ABCG1: variants seen among roughly 807,000 people sequenced by gnomAD.
ABCG1 encodes ATP binding cassette subfamily G member 1.
In ABCG1, 29 loss-of-function variants were observed where a neutral mutation model predicts 69.2. The observed-to-expected ratio is 0.42, with a 90% CI of 0.31 to 0.57. The LOEUF (loss-of-function observed/expected upper bound fraction) is 0.57. Among genes scored for constraint, ABCG1 ranks in the 20% least tolerant of loss-of-function variants. The probability of loss-of-function intolerance (pLI) is 0.15; values close to 1 mark genes in which losing one functional copy is unlikely to be tolerated. For synonymous variants in ABCG1, 370 were observed against 374.8 expected, an observed-to-expected ratio of 0.99 and a Z score of 0.15; for missense variants, 718 against 898.1, an observed-to-expected ratio of 0.80 and a Z score of 2.56.
In ABCG1 at chr21:42,219,825, T is replaced by C; in HGVS notation, c.42+521T>C. On this transcript the variant is annotated intron_variant, in intron 1 of 14. Transcript: ENST00000398449. This position sits in a 1 kb window ranked among gnomAD's most constrained non-coding sequence, Gnocchi z 5.3. ...AAGCTGCCCCCAGAGAGCCGGAGCC[T>C]GCGACTGCACTCCCGGGGACACCCT... The C allele has an allele frequency of 2.1e-6, 3 of 1,461,600 alleles. No individual in the cohort carries two copies. The highest frequency in any genetic ancestry group is 2.7e-6 in the Non-Finnish European group (3 of 1,109,770). 90.5% of individuals were successfully genotyped at this position (1,461,600 alleles called of 1,614,324 possible).
chr21:42,268,264 G>A lies in ABCG1; in HGVS notation c.287-2806G>A, dbSNP rs935601096. Among the ~76,000 whole-genome samples, 68 of 152,200 alleles carry A rather than the reference G, an allele frequency of 4.5e-4. 1 individual carries two copies. Among genetic ancestry groups the A allele is most frequent in the East Asian group, 9.6e-4 (5 of 5,194 alleles). On this transcript the variant is annotated intron_variant, in intron 2 of 14. Coordinates refer to ENST00000398449, the MANE Select transcript of ABCG1 (RefSeq NM_016818.3). ...TCAGGGGTGGGAAAGTAGGGCAGGC[G>A]GGGTGGGATGGTCGCATCTTCGCTT...
chr21:42,266,664 A>C (rs1364977322), intron 2 of ABCG1, among the ~76,000 whole-genome samples: 1 of 152,186 alleles, frequency 6.6e-6, no homozygotes. Context: ...AGCCCCGGGC[A>C]CTGCTAGTTG....
intron 2 of ABCG1, chr21:42,256,724 G>A (rs192649475): frequency 2.9e-6 from 4 of 1,401,942 alleles, no homozygotes; most frequent in Middle Eastern, 2.6e-4. Flanking sequence ...AGCATTGCAG[G>A]AATAGGCTCT....
chr21:42,294,854 C>G, intron 14 of ABCG1, 194 bp downstream of exon 14: 1 of 576,782 alleles, frequency 1.7e-6, no homozygotes, highest in Non-Finnish European at 3.1e-6. Flanking sequence ...ACACACTAAA[C>G]AAGGAGGCCA....
In ABCG1 at chr21:42,296,483, C is replaced by T; in HGVS notation, c.*91C>T. On this transcript the variant is annotated 3_prime_UTR_variant, in exon 15 of 15. Transcript: ENST00000398449. This position sits in a 1 kb window ranked among gnomAD's most constrained non-coding sequence, Gnocchi z 5.4. ...AGGCAAGCCTGTGCCCGACCGACGA[C>T]ACAGAGACTCTTCTGATCCAACCCC... 2.6e-6 allele frequency: 3 copies of T among 1,167,396 alleles called. No homozygotes were observed. The highest frequency in any genetic ancestry group is 3.7e-6 in the Non-Finnish European group (3 of 811,516). 72.3% of individuals were successfully genotyped at this position (1,167,396 alleles called of 1,614,324 possible).
chr21:42,291,024 G>A lies in ABCG1; in HGVS notation c.1394-68G>A. On this transcript the variant is annotated intron_variant, in intron 11 of 14. Coordinates refer to ENST00000398449, the MANE Select transcript of ABCG1 (RefSeq NM_016818.3). This position sits in a 1 kb window ranked among gnomAD's most constrained non-coding sequence, Gnocchi z 6.4. Reference sequence around the variant, plus strand: ...CCAGCCGCTCAGCTCAAGATCGCCTGTTGGGATGTTAAACGGGCTCGCTGC... The same window carrying A: ...CCAGCCGCTCAGCTCAAGATCGCCTATTGGGATGTTAAACGGGCTCGCTGC... The A allele has an allele frequency of 8.3e-7, 1 of 1,199,258 alleles. No individual in the cohort carries two copies. 74.3% of individuals were successfully genotyped at this position (1,199,258 alleles called of 1,614,324 possible). A position where few individuals can be genotyped will look rare whatever the true frequency, so the allele number is the denominator to read the frequency against.
intron 14 of ABCG1, among the ~76,000 whole-genome samples, 184 bp from the exon 15 acceptor site, chr21:42,295,980 C>A (rs990469356): frequency 2.6e-5 from 4 of 152,140 alleles, no homozygotes; most frequent in Non-Finnish European, 5.9e-5. Context: ...CATAGTGGAG[C>A]TGTTGCACGT....
chr21:42,291,175 G>A lies in ABCG1; in HGVS notation c.1477G>A (p.Ala493Thr). The A allele has an allele frequency of 3.1e-6, 5 of 1,613,826 alleles. No individual in the cohort carries two copies. The highest frequency in any genetic ancestry group is 4.2e-6 in the Non-Finnish European group (5 of 1,179,834). ...LKAYYLAKTM[A>T]DVPFQIMFPV... The stretch of plus-strand genomic sequence containing the variant: ...GGCCTACTACCTGGCCAAGACCATG[G>A]CAGACGTGCCCTTTCAGGTGTGTTA... The change falls in exon 12 of 15, where the codon GCA (alanine) becomes ACA (threonine). Residue 493 changes from alanine (A) to threonine (T), a missense_variant. By Grantham distance (58) the Ala-to-Thr change is moderately conservative (BLOSUM62 0). This residue lies in a region of ABCG1 where 204 missense variants were observed against 323.8 expected (regional missense o/e 0.63). Transcript: ENST00000398449. The surrounding 1 kb of genome is among the most constrained non-coding windows in gnomAD (Gnocchi z 6.4).
chr21:42,219,867 G>T lies in ABCG1; in HGVS notation c.42+563G>T, dbSNP rs1018214464. On this transcript the variant is annotated intron_variant, in intron 1 of 14. Transcript: ENST00000398449. The surrounding 1 kb of genome is among the most constrained non-coding windows in gnomAD (Gnocchi z 5.3). ...GGACACCCTCTCCCGGACCCACTCG[G>T]GGAGGCGGCGGCGAAGGCCCGGGGA... The T allele has an allele frequency of 9.1e-6, 14 of 1,534,990 alleles. No homozygotes were observed. Among genetic ancestry groups the T allele is most frequent in the Admixed American group, 2.0e-5 (1 of 50,326 alleles).
chr21:42,289,986 G>C (rs2234721), intron 10 of ABCG1, 64 bp from the exon 11 acceptor site: 2 of 1,597,304 alleles, frequency 1.3e-6, no homozygotes, highest in African/African-American at 2.7e-5. Flanking sequence ...GCCGCATCCG[G>C]GTTGTTCTCT....
In ABCG1 at chr21:42,288,302, T is replaced by A; in HGVS notation, c.1214T>A (p.Met405Lys). 1 of 1,603,590 alleles carries A rather than the reference T, an allele frequency of 6.2e-7. No homozygotes were observed. The highest frequency in any genetic ancestry group is 8.5e-7 in the Non-Finnish European group (1 of 1,174,444). Residue 405 changes from methionine to lysine, a missense_variant, in exon 10 of 15, where the codon ATG becomes AAG. Transcript: ENST00000398449. The surrounding 1 kb of genome is among the most constrained non-coding windows in gnomAD (Gnocchi z 4.8). The part of the protein sequence containing the change: ...ILFKRTFLSI[M>K]RDSVLTHLRI... ...TTCAAGAGGACCTTCCTCAGCATCA[T>A]GAGGGACTCGGTAAGGCTGCCCGCA...
At chr21:42,251,350 A>T (rs1048685896) in intron 2 of ABCG1, among the ~76,000 whole-genome samples, 3 of 152,178 alleles carry the variant, frequency 2.0e-5, no homozygotes, top group African/African-American at 7.2e-5. Context: ...ACCAGGTGGA[A>T]GGAGGTACGT....
At chr21:42,236,555 C>T (rs540526058) in intron 2 of ABCG1, among the ~76,000 whole-genome samples, 1 of 152,342 alleles carries the variant, frequency 6.6e-6, no homozygotes, top group East Asian at 1.9e-4. Flanking sequence ...CTTTGCTCAA[C>T]CTTTTGGGCT....
intron 2 of ABCG1, among the ~76,000 whole-genome samples, chr21:42,204,931 C>A (rs1184155911): frequency 2.6e-5 from 4 of 151,786 alleles, no homozygotes; most frequent in Non-Finnish European, 5.9e-5. Context: ...AGGAGATTGC[C>A]TAGAATTAGT....
chr21:42,270,490 TATTA>T (rs2068596580), intron 2 of ABCG1, among the ~76,000 whole-genome samples: 2 of 152,088 alleles, frequency 1.3e-5, no homozygotes, highest in Non-Finnish European at 2.9e-5. Flanking sequence ...CTTTCTTAAT[TATTA>T]ATTAAGGGAT....
rs567195431 is a variant in ABCG1 at position 42,276,449 on chromosome 21, T to G, written c.538-446T>G. 6.2e-6 allele frequency: 1 copy of G among 160,340 alleles called. No homozygotes were observed. Among genetic ancestry groups the G allele is most frequent in the South Asian group, 1.8e-4 (1 of 5,448 alleles). The allele number at this position is 160,340 out of a possible 1,614,324, so 9.9% of individuals were successfully genotyped here. On this transcript the variant is annotated intron_variant, in intron 4 of 14. Transcript: ENST00000398449. This position sits in a 1 kb window ranked among gnomAD's most constrained non-coding sequence, Gnocchi z 5.3. Reference sequence around the variant, plus strand: ...CTTTCTTACCTCTAAATGGCCCACATCTGACTTCTCTCCTGGGTACAGCAG... The same window carrying G: ...CTTTCTTACCTCTAAATGGCCCACAGCTGACTTCTCTCCTGGGTACAGCAG...
At position 42,219,945 on chromosome 21, in the gene ABCG1, GGAGA is replaced by G; in HGVS notation, c.42+648_42+651del. The G allele has an allele frequency of 6.4e-7, 1 of 1,551,252 alleles. No individual in the cohort carries two copies. On this transcript the variant is annotated intron_variant, in intron 1 of 14. Coordinates refer to ENST00000398449, the MANE Select transcript of ABCG1 (RefSeq NM_016818.3). This position sits in a 1 kb window ranked among gnomAD's most constrained non-coding sequence, Gnocchi z 5.3. The stretch of plus-strand genomic sequence containing the variant: ...TGCCGGCCGCCTTTCTGCGCGCGCC[GGAGA>G]GAGAGACGCGGTGGGGACAGGGATG...
chr21:42,219,248 C>A lies in ABCG1; in HGVS notation c.-15C>A, dbSNP rs1455891024. The A allele has an allele frequency of 2.6e-6, 4 of 1,539,366 alleles. No individual in the cohort carries two copies. Among genetic ancestry groups the A allele is most frequent in the Non-Finnish European group, 2.6e-6 (3 of 1,150,828 alleles). On this transcript the variant is annotated 5_prime_UTR_variant, in exon 1 of 15. Coordinates refer to ENST00000398449, the MANE Select transcript of ABCG1 (RefSeq NM_016818.3). This position sits in a 1 kb window ranked among gnomAD's most constrained non-coding sequence, Gnocchi z 5.3. ...CCGCCGCCGCCGCCGCCGCCGCCGC[C>A]GCCGCCCCCGGGGCATGGCCTGTCT... is the stretch of plus-strand genomic sequence containing the variant.
intron 2 of ABCG1, among the ~76,000 whole-genome samples, chr21:42,243,447 CGTGTGTGTGTGTGT>C (rs869095111): frequency 2.5e-5 from 2 of 81,512 alleles, no homozygotes; most frequent in Non-Finnish European, 4.9e-5. Context: ...TGTGTGTGCG[CGTGTGTGTGTGTGT>C]GTGTGTGTGT....
Sources: gnomAD v4.1 joint callset for allele counts (sites outside exome capture counted in the v4.1 genomes callset) on GRCh38, gnomAD v4.1.1 for gene constraint, gnomAD v4.1.1 regional missense constraint, Gnocchi (gnomAD v3.1) non-coding constraint, MANE v1.5 for transcripts, NCBI Gene and HGNC (gene_info 2026-07-23, HGNC 2026-07-21) for gene names.